Variants in DPYSL5 observed in about 807,000 individuals in gnomAD.
DPYSL5 encodes dihydropyrimidinase like 5, also known as dihydropyrimidinase-related protein 5.
A neutral mutation model predicts 58.4 loss-of-function variants in DPYSL5; 9 were observed. The ratio of observed to expected loss-of-function variants is 0.15; its 90% CI spans 0.09 to 0.27. The LOEUF (loss-of-function observed/expected upper bound fraction) is 0.27. Among genes scored for constraint, DPYSL5 ranks in the 10% least tolerant of loss-of-function variants. The probability of loss-of-function intolerance (pLI) is 1.00; values close to 1 mark genes in which losing one functional copy is unlikely to be tolerated. For missense variants in DPYSL5, 499 were observed against 770.6 expected (o/e 0.65, Z 4.17); for synonymous variants, 293 against 301.9 (o/e 0.97, Z 0.31).
At chr2:26,897,528 AT>A (rs1664050141) in intron 1 of DPYSL5, among the ~76,000 whole-genome samples, 1 of 152,210 alleles carries the variant, frequency 6.6e-6, no homozygotes, top group African/African-American at 2.4e-5. Flanking sequence ...GTGGTGTCTA[AT>A]TCTTTTTAAA....
At chr2:26,864,773 G>A (rs1666099562) in intron 1 of DPYSL5, among the ~76,000 whole-genome samples, 1 of 152,186 alleles carries the variant, frequency 6.6e-6, no homozygotes, top group African/African-American at 2.4e-5. Context: ...GTGAGAGCAG[G>A]GAGGCTTGGG....
In DPYSL5 at chr2:26,934,655, C is replaced by A. The variant is rs558929618; in HGVS notation, c.868C>A (p.His290Asn). 1 of 1,614,138 alleles carries A rather than the reference C, an allele frequency of 6.2e-7. No homozygotes were observed. The highest frequency in any genetic ancestry group is 2.2e-5 in the East Asian group (1 of 44,886). Reference sequence around the variant, plus strand: ...ACACTACTACCACCAGGACTGGTCCCACGCGGCTGCCTATGTCACGGTGCC... The same window carrying A: ...ACACTACTACCACCAGGACTGGTCCAACGCGGCTGCCTATGTCACGGTGCC... Reference protein sequence around the residue: ...GLHYYHQDWSHAAAYVTVPPL... With the variant: ...GLHYYHQDWSNAAAYVTVPPL... Residue 290 changes from histidine (H) to asparagine (N), a missense_variant, in exon 8 of 13, where the codon CAC (histidine) becomes AAC (asparagine). Transcript: ENST00000288699. The surrounding 1 kb of genome is among the most constrained non-coding windows in gnomAD (Gnocchi z 4.3).
At chr2:26,929,293 C>T (rs576866662) in intron 5 of DPYSL5, among the ~76,000 whole-genome samples, 6 of 152,184 alleles carry the variant, frequency 3.9e-5, no homozygotes, top group South Asian at 2.1e-4. Flanking sequence ...AGTGCAATGG[C>T]GCAATCTCGG....
chr2:26,940,271 T>C (rs1665282276), intron 9 of DPYSL5, 99 bp downstream of exon 9: 10 of 1,419,578 alleles, frequency 7.0e-6, no homozygotes, highest in African/African-American at 1.4e-5. Context: ...TCAGATCCTG[T>C]CAAAGAATGT....
At chr2:26,935,435 C>A (rs1665146244) in intron 8 of DPYSL5, among the ~76,000 whole-genome samples, 1 of 152,130 alleles carries the variant, frequency 6.6e-6, no homozygotes, top group South Asian at 2.1e-4. Context: ...CACCTGTAAT[C>A]CCAGCCCTTT....
rs1664268928 is a variant in DPYSL5 at position 26,905,630 on chromosome 2, C to G, written c.261+6870C>G. On this transcript the variant is annotated intron_variant, in intron 2 of 12. Coordinates refer to ENST00000288699, the MANE Select transcript of DPYSL5 (RefSeq NM_020134.4). The surrounding 1 kb of genome is among the most constrained non-coding windows in gnomAD (Gnocchi z 4.0). ...GGGGGCTGGGATTGGCATAGCTGGGCTCCTCTCTCCACTTTCTTCTGTGAC... is the reference window on the plus strand; with the variant it reads ...GGGGGCTGGGATTGGCATAGCTGGGGTCCTCTCTCCACTTTCTTCTGTGAC... 6.6e-6 allele frequency among the ~76,000 whole-genome samples: 1 copy of G among 152,126 alleles called. No homozygotes were observed. Among genetic ancestry groups the G allele is most frequent in the Non-Finnish European group, 1.5e-5 (1 of 68,024 alleles).
At chr2:26,867,173 G>C (rs1666165232) in intron 1 of DPYSL5, among the ~76,000 whole-genome samples, 1 of 152,042 alleles carries the variant, frequency 6.6e-6, no homozygotes, top group Admixed American at 6.5e-5. Context: ...ATGTACATAG[G>C]TAAATATCTT....
At chr2:26,909,569 C>G (rs1447543793) in intron 2 of DPYSL5, among the ~76,000 whole-genome samples, 1 of 152,020 alleles carries the variant, frequency 6.6e-6, no homozygotes, top group East Asian at 1.9e-4. Context: ...GAGTTTAAGA[C>G]CAGCCTAGGC....
At chr2:26,868,841 A>G (rs1384781008) in intron 1 of DPYSL5, among the ~76,000 whole-genome samples, 2 of 152,202 alleles carry the variant, frequency 1.3e-5, no homozygotes, top group Non-Finnish European at 2.9e-5. Context: ...ATTCACTTCT[A>G]TATACTAATT....
intron 1 of DPYSL5, among the ~76,000 whole-genome samples, chr2:26,871,232 C>G (rs915641247): frequency 3.9e-5 from 6 of 152,100 alleles, no homozygotes; most frequent in African/African-American, 1.4e-4. Flanking sequence ...ATCTGGTGGT[C>G]CCTGATTGAG....
intron 2 of DPYSL5, among the ~76,000 whole-genome samples, chr2:26,913,895 G>T (rs1664498741): frequency 6.7e-6 from 1 of 149,632 alleles, no homozygotes; most frequent in African/African-American, 2.5e-5. Context: ...TAAAAACCAT[G>T]CATGCTTTTA....
Position 26,932,048 on chromosome 2 carries a change from G to GGAAA in DPYSL5, c.714+397_714+400dup, listed in dbSNP as rs149642423. ...AAAGAAAGAAAAGAAAAGAAAGAAA[G>GGAAA]GAAAGAAAGAAAGAAAGAAAGAAAG... On this transcript the variant is annotated intron_variant, in intron 6 of 12. Coordinates refer to ENST00000288699, the MANE Select transcript of DPYSL5 (RefSeq NM_020134.4). 8.9e-3 allele frequency among the ~76,000 whole-genome samples: 425 copies of GGAAA among 47,632 alleles called. 33 individuals carry two copies. Among genetic ancestry groups the GGAAA allele is most frequent in the African/African-American group, 0.041 (406 of 9,978 alleles). The allele number at this position is 47,632 out of a possible 152,430, so 31.2% of individuals were successfully genotyped here.
At chr2:26,929,681 C>T (rs1664923056) in intron 5 of DPYSL5, among the ~76,000 whole-genome samples, 1 of 152,206 alleles carries the variant, frequency 6.6e-6, no homozygotes, top group Non-Finnish European at 1.5e-5. Context: ...GGACCCTTTC[C>T]ACCAAAAACA....
At chr2:26,875,350 T>C (rs1206836450) in intron 1 of DPYSL5, among the ~76,000 whole-genome samples, 1 of 152,076 alleles carries the variant, frequency 6.6e-6, no homozygotes, top group Non-Finnish European at 1.5e-5. Context: ...AGCACAGTGG[T>C]GGGAGTGCAG....
chr2:26,859,145 T>G (rs576459867), intron 1 of DPYSL5, among the ~76,000 whole-genome samples: 28 of 152,348 alleles, frequency 1.8e-4, no homozygotes, highest in African/African-American at 5.5e-4. Flanking sequence ...TGGAATGTAC[T>G]AGATTCCATT....
chr2:26,851,028 G>A (rs562902907), intron 1 of DPYSL5, among the ~76,000 whole-genome samples: 176 of 152,016 alleles, frequency 1.2e-3, no homozygotes, highest in Non-Finnish European at 2.1e-3. Context: ...ATATGCATGT[G>A]TGTATTTATG....
chr2:26,920,408 A>G lies in DPYSL5; in HGVS notation c.262-4479A>G, dbSNP rs145093044. On this transcript the variant is annotated intron_variant, in intron 2 of 12. Coordinates refer to ENST00000288699, the MANE Select transcript of DPYSL5 (RefSeq NM_020134.4). ...TTCTGAAGTGTACATTATAAAACTC[A>G]TATATTCTGTTAAATTTTGGAGAAG... 9.8e-3 allele frequency among the ~76,000 whole-genome samples: 1,491 copies of G among 152,352 alleles called. 7 individuals are homozygous for G. Among genetic ancestry groups the G allele is most frequent in the Non-Finnish European group, 0.017 (1,135 of 68,024 alleles).
intron 1 of DPYSL5, among the ~76,000 whole-genome samples, chr2:26,861,689 T>A (rs1275992774): frequency 2.6e-5 from 4 of 152,198 alleles, no homozygotes; most frequent in Non-Finnish European, 4.4e-5. Flanking sequence ...GTGTTTCAAT[T>A]ACTTGTGGAC....
intron 1 of DPYSL5, among the ~76,000 whole-genome samples, chr2:26,874,486 G>T (rs1663356975): frequency 6.6e-6 from 1 of 152,110 alleles, no homozygotes; most frequent in African/African-American, 2.4e-5. Flanking sequence ...TTCCCGCATT[G>T]AATTACCTTG....
Sources: allele counts gnomAD v4.1 joint callset (sites outside exome capture counted in the v4.1 genomes callset), GRCh38; gene constraint gnomAD v4.1.1; non-coding constraint Gnocchi (gnomAD v3.1); transcripts MANE v1.5; gene names NCBI Gene and HGNC (gene_info 2026-07-23, HGNC 2026-07-21).